The following CADPS2 variants were observed in gnomAD, a reference collection of about 807,000 sequenced individuals.
The protein encoded by CADPS2 is calcium dependent secretion activator 2.
In CADPS2, 93 loss-of-function variants were observed where a neutral mutation model predicts 172.5. The ratio of observed to expected loss-of-function variants is 0.54; its 90% CI spans 0.46 to 0.64. CADPS2 has a LOEUF of 0.64. Among genes scored for constraint, CADPS2 ranks in the 30% least tolerant of loss-of-function variants. CADPS2 has a pLI of 0.00. For missense variants in CADPS2, 1,420 were observed against 1,565.9 expected (o/e 0.91, Z 1.57); for synonymous variants, 546 against 555.2 (o/e 0.98, Z 0.23).
chr7:122,619,940 G>T (rs745527992), intron 5 of CADPS2, among the ~76,000 whole-genome samples: 8 of 152,152 alleles, frequency 5.3e-5, no homozygotes, highest in Non-Finnish European at 1.2e-4. Context: ...GTTCTAATCT[G>T]ACACTAAGTT....
At chr7:122,627,286 G>T (rs144468325) in intron 4 of CADPS2, among the ~76,000 whole-genome samples, 30 of 152,306 alleles carry the variant, frequency 2.0e-4, no homozygotes, top group African/African-American at 6.7e-4. Flanking sequence ...ATTCAGCAAG[G>T]TCAGTCAATT....
intron 13 of CADPS2, among the ~76,000 whole-genome samples, 183 bp from the exon 14 acceptor site, chr7:122,471,745 G>C (rs927355994): frequency 2.6e-5 from 4 of 152,088 alleles, no homozygotes; most frequent in Non-Finnish European, 5.9e-5. Context: ...TTGGGACACT[G>C]GCAACCTAAT....
chr7:122,865,056 G>A (rs1224395184), intron 1 of CADPS2, among the ~76,000 whole-genome samples: 1 of 152,146 alleles, frequency 6.6e-6, no homozygotes, highest in Non-Finnish European at 1.5e-5. Flanking sequence ...GACACCTCAT[G>A]ATTAATGCCC....
chr7:122,595,254 A>G (rs1377253872), intron 6 of CADPS2, among the ~76,000 whole-genome samples: 4 of 152,072 alleles, frequency 2.6e-5, no homozygotes, highest in Non-Finnish European at 5.9e-5. Flanking sequence ...AGGGTTGCAA[A>G]CTATGAGGTT....
intron 3 of CADPS2, among the ~76,000 whole-genome samples, chr7:122,645,286 T>G (rs2078207987): frequency 7.1e-6 from 1 of 140,164 alleles, no homozygotes; most frequent in African/African-American, 2.6e-5. Context: ...TACACACATA[T>G]GTACATATAT....
At chr7:122,410,713 G>A (rs992651968) in intron 19 of CADPS2, among the ~76,000 whole-genome samples, 3 of 140,158 alleles carry the variant, frequency 2.1e-5, no homozygotes, top group Non-Finnish European at 3.2e-5. Context: ...ACCGCAATCA[G>A]TAATTACAAA....
Position 122,491,439 on chromosome 7 carries a change from G to T in CADPS2, c.1543-19C>A. 7.1e-7 allele frequency: 1 copy of T among 1,403,688 alleles called. No individual in the cohort carries two copies. Among genetic ancestry groups the T allele is most frequent in the Non-Finnish European group, 9.8e-7 (1 of 1,015,864 alleles). 87.0% of individuals were successfully genotyped at this position (1,403,688 alleles called of 1,614,324 possible). ...GGCTAACCTGCTCGAGAAAAAAAAAGTTTACAGATTAGTCACATTAAATTT... is the reference window on the plus strand; with the variant it reads ...GGCTAACCTGCTCGAGAAAAAAAAATTTTACAGATTAGTCACATTAAATTT... On this transcript the variant is annotated intron_variant, in intron 9 of 29. Transcript: ENST00000449022.
intron 2 of CADPS2, among the ~76,000 whole-genome samples, chr7:122,723,295 A>G (rs1465992515): frequency 2.0e-5 from 3 of 152,210 alleles, no homozygotes; most frequent in South Asian, 4.1e-4. Context: ...ACAAAGGCCT[A>G]ATATCCAGAG....
intron 8 of CADPS2, among the ~76,000 whole-genome samples, chr7:122,520,288 C>A (rs191200105): frequency 6.6e-6 from 1 of 151,002 alleles, no homozygotes; most frequent in East Asian, 1.9e-4. Flanking sequence ...AATGCTTATA[C>A]GACAAAACTA....
At chr7:122,660,017 T>C (rs965676360) in intron 3 of CADPS2, among the ~76,000 whole-genome samples, 3 of 152,058 alleles carry the variant, frequency 2.0e-5, no homozygotes, top group Admixed American at 6.6e-5. Flanking sequence ...TCTTCAGAGA[T>C]AAGGAAAATA....
At chr7:122,342,558 G>A (rs2036947718) in intron 28 of CADPS2, among the ~76,000 whole-genome samples, 1 of 152,146 alleles carries the variant, frequency 6.6e-6, no homozygotes, top group Admixed American at 6.6e-5. Flanking sequence ...AATGTTGGGG[G>A]CAGGGTGAAT....
At chr7:122,629,119 G>T in intron 4 of CADPS2, 129 bp downstream of exon 4, 1 of 603,822 alleles carries the variant, frequency 1.7e-6, no homozygotes, top group Non-Finnish European at 2.8e-6. Flanking sequence ...AGAGGTCTAT[G>T]TGTAGAGGAG....
chr7:122,382,744 G>A (rs2043175597), intron 24 of CADPS2, among the ~76,000 whole-genome samples: 2 of 152,078 alleles, frequency 1.3e-5, no homozygotes, highest in Non-Finnish European at 2.9e-5. Context: ...GCCTGAGCCT[G>A]AGTTCAAGGT....
At chr7:122,677,905 G>C (rs943016803) in intron 2 of CADPS2, among the ~76,000 whole-genome samples, 2 of 152,304 alleles carry the variant, frequency 1.3e-5, no homozygotes, top group East Asian at 1.9e-4. Flanking sequence ...CAAGCATTCC[G>C]CAGCTTGATG....
intron 3 of CADPS2, 133 bp downstream of exon 3, chr7:122,663,104 T>G (rs2080789455): frequency 1.5e-6 from 1 of 667,424 alleles, no homozygotes. Context: ...TGTGATCTAT[T>G]CAAATTCAAT....
At chr7:122,665,992 G>A (rs1038746593) in intron 2 of CADPS2, among the ~76,000 whole-genome samples, 12 of 152,180 alleles carry the variant, frequency 7.9e-5, no homozygotes, top group Non-Finnish European at 2.9e-5. Flanking sequence ...AGAATGACAA[G>A]AGCTACTTCA....
At chr7:122,520,661 C>A (rs2060718859) in intron 8 of CADPS2, among the ~76,000 whole-genome samples, 1 of 151,988 alleles carries the variant, frequency 6.6e-6, no homozygotes, top group South Asian at 2.1e-4. Context: ...CTCGCTTACC[C>A]AAACACTTTA....
In CADPS2 at chr7:122,319,122, CTAA is replaced by C. The variant is rs1176298845; in HGVS notation, c.*1040_*1042del. 3 of 152,022 alleles carry C rather than the reference CTAA, an allele frequency of 2.0e-5. No homozygotes were observed. Among genetic ancestry groups the C allele is most frequent in the Admixed American group, 6.6e-5 (1 of 15,266 alleles). 9.4% of individuals were successfully genotyped at this position (152,022 alleles called of 1,614,324 possible). On this transcript the variant is annotated 3_prime_UTR_variant, in exon 30 of 30. Coordinates refer to ENST00000449022, the MANE Select transcript of CADPS2 (RefSeq NM_017954.11). The stretch of plus-strand genomic sequence containing the variant: ...ACTAATTATTAGTTAACATTGATTA[CTAA>C]TATTAACTAATAATATATGAAATAT...
At chr7:122,829,466 A>G (rs896466734) in intron 1 of CADPS2, among the ~76,000 whole-genome samples, 1 of 152,170 alleles carries the variant, frequency 6.6e-6, no homozygotes, top group African/African-American at 2.4e-5. Flanking sequence ...TATAAGACCA[A>G]CTCCTCAGAT....
Sources: gnomAD v4.1 joint callset for allele counts (sites outside exome capture counted in the v4.1 genomes callset) on GRCh38, gnomAD v4.1.1 for gene constraint, MANE v1.5 for transcripts, NCBI Gene and HGNC (gene_info 2026-07-23, HGNC 2026-07-21) for gene names.